Variants in SMURF2 observed in about 807,000 individuals in gnomAD.
SMURF2 encodes E3 ubiquitin-protein ligase SMURF2.
SMURF2 carries 48 observed loss-of-function variants against 109.6 expected under a neutral mutation model. The ratio of observed to expected loss-of-function variants is 0.44; its 90% CI spans 0.35 to 0.56. The LOEUF is 0.56. SMURF2 is among the 20% of genes least tolerant of loss of function. The pLI is 0.01. For synonymous variants in SMURF2, 288 were observed against 317.1 expected (o/e 0.91, Z 0.97); for missense variants, 575 against 909.0 (o/e 0.63, Z 4.72).
At chr17:64,576,300 G>T (rs1461781969) in intron 9 of SMURF2, among the ~76,000 whole-genome samples, 6 of 152,048 alleles carry the variant, frequency 3.9e-5, no homozygotes, top group Non-Finnish European at 8.8e-5. Context: ...TCTTTTTGAA[G>T]TTAAAAGTAA....
Position 64,580,960 on chromosome 17 carries a change from G to A in SMURF2, c.601C>T (p.Pro201Ser), listed in dbSNP as rs541086944. 7 of 1,614,106 alleles carry A rather than the reference G, an allele frequency of 4.3e-6. No individual in the cohort carries two copies. In the South Asian group the frequency reaches 6.6e-5, roughly 15 times the overall value. The change falls in exon 8 of 19, where the codon CCT (proline) becomes TCT (serine). Residue 201 changes from proline to serine, a missense_variant. Transcript: ENST00000262435. Reference protein sequence around the residue: ...PASEYSSPGRPLSCFVDENTP... With the variant: ...PASEYSSPGRSLSCFVDENTP... ...TTCTCATCAACAAAGCAGCTAAGAG[G>A]TCTGCCAGGGCTAGAATATTCGGAT... is the stretch of plus-strand genomic sequence containing the variant.
intron 16 of SMURF2, among the ~76,000 whole-genome samples, chr17:64,548,340 C>T (rs1012953155): frequency 6.6e-6 from 1 of 152,076 alleles, no homozygotes; most frequent in Non-Finnish European, 1.5e-5. Flanking sequence ...CGATAATGCA[C>T]AGAAACTTCA....
chr17:64,575,763 G>A (rs1459097732), intron 9 of SMURF2, among the ~76,000 whole-genome samples: 2 of 151,824 alleles, frequency 1.3e-5, no homozygotes, highest in Non-Finnish European at 2.9e-5. Context: ...GAGGAGGGGC[G>A]CTGCTGTGCT....
At chr17:64,653,955 T>C (rs1289794281) in intron 1 of SMURF2, among the ~76,000 whole-genome samples, 6 of 152,112 alleles carry the variant, frequency 3.9e-5, no homozygotes, top group African/African-American at 1.2e-4. Flanking sequence ...AGCATTACGC[T>C]AAAAGAAGCC....
intron 1 of SMURF2, among the ~76,000 whole-genome samples, chr17:64,631,854 G>A (rs1353253773): frequency 6.7e-6 from 1 of 149,624 alleles, no homozygotes; most frequent in East Asian, 2.0e-4. Context: ...CACCAGACAG[G>A]ATCAGCAACA....
Position 64,562,822 on chromosome 17 carries a change from C to A in SMURF2, c.1161G>T (p.Gln387His), listed in dbSNP as rs926689819. The change falls in exon 11 of 19, where the codon CAG (glutamine) becomes CAT (histidine). Residue 387 changes from glutamine to histidine, a missense_variant. Physicochemically the swap from Gln to His is conservative, Grantham distance 24. Transcript: ENST00000262435. ...KILRQELSQQ[Q>H]PQAGHCRIEV... ...CAATGCGGCAATGACCTGCCTGAGG[C>A]TGTTGTTGGGAAAGTTCTTGCCGCA... 3 of 1,614,012 alleles carry A rather than the reference C, an allele frequency of 1.9e-6. No homozygotes were observed.
At position 64,547,496 on chromosome 17, in the gene SMURF2, AAG is replaced by A. The variant is rs1968975159; in HGVS notation, c.2071+102_2071+103del. On this transcript the variant is annotated intron_variant, in intron 17 of 18. Coordinates refer to ENST00000262435, the MANE Select transcript of SMURF2 (RefSeq NM_022739.4). The surrounding 1 kb of genome is among the most constrained non-coding windows in gnomAD (Gnocchi z 4.2). ...TGAGAGTCACAGATAAGAAGTGAAA[AAG>A]AGAATCTCTAAGCACATGGTTTACA... is the stretch of plus-strand genomic sequence containing the variant. 4 of 938,658 alleles carry A rather than the reference AAG, an allele frequency of 4.3e-6. No homozygotes were observed. The highest frequency in any genetic ancestry group is 1.6e-5 in the African/African-American group (1 of 61,164). The allele number at this position is 938,658 out of a possible 1,614,324, so 58.1% of individuals were successfully genotyped here.
intron 1 of SMURF2, among the ~76,000 whole-genome samples, chr17:64,642,806 A>T (rs8081002): frequency 0.14 from 21,975 of 151,642 alleles, 2,293 homozygotes; most frequent in African/African-American, 0.28. Flanking sequence ...TTATTTATTT[A>T]TTTTTTGAGA....
chr17:64,630,936 C>T (rs1555691520), intron 1 of SMURF2, among the ~76,000 whole-genome samples: 1 of 151,956 alleles, frequency 6.6e-6, no homozygotes, highest in Non-Finnish European at 1.5e-5. Flanking sequence ...TCTGTTTCAT[C>T]AGTTAGAGCA....
At chr17:64,597,770 C>CA (rs369162603) in intron 3 of SMURF2, among the ~76,000 whole-genome samples, 16,718 of 112,352 alleles carry the variant, frequency 0.15, 2,093 homozygotes, top group African/African-American at 0.35. Context: ...AAGACTGTCT[C>CA]AAAAAAAAAA....
At chr17:64,565,391 A>T (rs1969285299) in intron 10 of SMURF2, among the ~76,000 whole-genome samples, 1 of 152,224 alleles carries the variant, frequency 6.6e-6, no homozygotes, top group Admixed American at 6.5e-5. Flanking sequence ...GGCCTCTGCC[A>T]ATGTCTAAAG....
chr17:64,636,544 G>C (rs1366324783), intron 1 of SMURF2, among the ~76,000 whole-genome samples: 2 of 146,082 alleles, frequency 1.4e-5, no homozygotes, highest in Non-Finnish European at 3.0e-5. Flanking sequence ...TGGAGGTTGA[G>C]TGAGACGAGA....
At chr17:64,606,571 A>G (rs782175193) in intron 2 of SMURF2, 31 bp downstream of exon 2, 4 of 1,468,928 alleles carry the variant, frequency 2.7e-6, no homozygotes, top group Admixed American at 2.1e-5. Flanking sequence ...ATCTACATAC[A>G]ATACACAAGA....
rs1260159996 is a variant in SMURF2, at chr17:64,551,572, T to G, written c.1869+12A>C. The G allele has an allele frequency of 1.2e-6, 2 of 1,613,222 alleles. No individual in the cohort carries two copies. Among genetic ancestry groups the G allele is most frequent in the Non-Finnish European group, 1.7e-6 (2 of 1,179,536 alleles). On this transcript the variant is annotated intron_variant, in intron 16 of 18. Transcript: ENST00000262435. Reference sequence around the variant, plus strand: ...TGTTACACTAGTGATGTTATAATACTAATGCACTAACCTCTAACTCCTTCT... The same window carrying G: ...TGTTACACTAGTGATGTTATAATACGAATGCACTAACCTCTAACTCCTTCT...
At position 64,547,833 on chromosome 17, in the gene SMURF2, G is replaced by A; in HGVS notation, c.1870-32C>T. ...AAATAGTACACAGTAATGAACCTGT[G>A]GAAACCACAGCCAGACCAAAAATTC... is the stretch of plus-strand genomic sequence containing the variant. On this transcript the variant is annotated intron_variant, in intron 16 of 18. Transcript: ENST00000262435. This position sits in a 1 kb window ranked among gnomAD's most constrained non-coding sequence, Gnocchi z 4.2. The A allele has an allele frequency of 6.2e-7, 1 of 1,605,174 alleles. No homozygotes were observed. Among genetic ancestry groups the A allele is most frequent in the East Asian group, 2.2e-5 (1 of 44,812 alleles).
Position 64,622,096 on chromosome 17 carries a change from T to TA in SMURF2, c.53-15457dup, listed in dbSNP as rs1298107667. Among the ~76,000 whole-genome samples, 48 of 149,176 alleles carry TA rather than the reference T, an allele frequency of 3.2e-4. No homozygotes were observed. The South Asian group carries it at 9.9e-3, about 31-fold the overall frequency. ...ATAAATAAAATAAAAATAATAAATT[T>TA]AAAAAAATAAAAATAAAAAGCAGTA... On this transcript the variant is annotated intron_variant, in intron 1 of 18. Coordinates refer to ENST00000262435, the MANE Select transcript of SMURF2 (RefSeq NM_022739.4).
chr17:64,632,697 C>T (rs1192530851), intron 1 of SMURF2, among the ~76,000 whole-genome samples: 1 of 152,200 alleles, frequency 6.6e-6, no homozygotes, highest in Admixed American at 6.5e-5. Context: ...AGACTTCTGT[C>T]AAGAGACCTA....
chr17:64,639,302 C>T (rs779636363), intron 1 of SMURF2, among the ~76,000 whole-genome samples: 58 of 152,090 alleles, frequency 3.8e-4, no homozygotes, highest in African/African-American at 1.1e-3. Context: ...TCAGGCTGGG[C>T]GTGGTGAGTC....
chr17:64,563,850 C>T (rs1411159296), intron 10 of SMURF2, among the ~76,000 whole-genome samples: 2 of 152,148 alleles, frequency 1.3e-5, no homozygotes, highest in Admixed American at 1.3e-4. Context: ...TCAAGTGATC[C>T]TCCTGCCTCA....
Sources: allele counts gnomAD v4.1 joint callset (sites outside exome capture counted in the v4.1 genomes callset), GRCh38; gene constraint gnomAD v4.1.1; non-coding constraint Gnocchi (gnomAD v3.1); transcripts MANE v1.5; gene names NCBI Gene and HGNC (gene_info 2026-07-23, HGNC 2026-07-21).